The following DNAH11 variants were observed in gnomAD, a reference collection of about 807,000 sequenced individuals.
The protein encoded by DNAH11 is axonemal beta dynein heavy chain 11.
In DNAH11, 442 loss-of-function variants were observed where a neutral mutation model predicts 526.0. The ratio of observed to expected loss-of-function variants is 0.84; its 90% CI spans 0.78 to 0.91. DNAH11 has a LOEUF of 0.91. DNAH11 is among the 40% of genes least tolerant of loss of function. The pLI, the probability that DNAH11 is intolerant of heterozygous loss-of-function variation, is 0.00. For missense variants in DNAH11, 6,989 were observed against 5,448.7 expected (o/e 1.28, Z -8.90); for synonymous variants, 2,461 against 1,935.9 (o/e 1.27, Z -7.12).
At chr7:21,772,887 T>C (rs17145349) in intron 55 of DNAH11, among the ~76,000 whole-genome samples, 45,343 of 151,986 alleles carry the variant, frequency 0.3, 7,589 homozygotes, top group African/African-American at 0.45. Context: ...AGGTTTGAAA[T>C]GTTTGACTGC....
chr7:21,582,030 T>G lies in DNAH11; in HGVS notation c.1710+9T>G, dbSNP rs1424952604. Reference sequence around the variant, plus strand: ...TAGAAGCTGCATTTAAGGTTAGTTCTGAAGAAGCTATCATAAAAAACGTTT... The same window carrying G: ...TAGAAGCTGCATTTAAGGTTAGTTCGGAAGAAGCTATCATAAAAAACGTTT... On this transcript the variant is annotated intron_variant, in intron 9 of 81. Coordinates refer to ENST00000409508, the MANE Select transcript of DNAH11 (RefSeq NM_001277115.2). 27 of 1,565,776 alleles carry G rather than the reference T, an allele frequency of 1.7e-5. No individual in the cohort carries two copies. The highest frequency in any genetic ancestry group is 2.4e-5 in the Non-Finnish European group (27 of 1,138,166).
chr7:21,704,373 A>G (rs1213220638), intron 37 of DNAH11, 61 bp from the exon 38 acceptor site: 2 of 1,477,010 alleles, frequency 1.4e-6, no homozygotes, highest in Non-Finnish European at 1.8e-6. Flanking sequence ...AAACATCTTT[A>G]GTTTTTTAGG....
At chr7:21,557,666 A>G (rs138196521) in intron 2 of DNAH11, among the ~76,000 whole-genome samples, 145 of 152,302 alleles carry the variant, frequency 9.5e-4, no homozygotes, top group African/African-American at 3.1e-3. Flanking sequence ...ACACATATTC[A>G]CACCATAACA....
chr7:21,864,385 C>A, intron 69 of DNAH11, 150 bp from the exon 70 acceptor site: 1 of 541,060 alleles, frequency 1.8e-6, no homozygotes, highest in Non-Finnish European at 3.0e-6. Flanking sequence ...TCTAAGATTC[C>A]CTATTTCAAC....
In DNAH11 at chr7:21,543,479, C is replaced by A. The variant is rs1487726993; in HGVS notation, c.234C>A (p.Ser78Arg). The part of the protein sequence containing the change: ...MMLGFTEEKW[S>R]QYLESEDNRQ... ...TGGGGTTCACGGAGGAGAAATGGAG[C>A]CAGTATTTGGAAAGCGAGGACAACC... The change falls in exon 1 of 82, where the codon AGC becomes AGA. Residue 78 changes from serine to arginine, a missense_variant. Physicochemically the swap from Ser to Arg is moderately radical, Grantham distance 110. Coordinates refer to ENST00000409508, the MANE Select transcript of DNAH11 (RefSeq NM_001277115.2). 2 of 1,597,166 alleles carry A rather than the reference C, an allele frequency of 1.3e-6. No homozygotes were observed. The highest frequency in any genetic ancestry group is 1.7e-6 in the Non-Finnish European group (2 of 1,171,488).
Position 21,615,246 on chromosome 7 carries a change from C to T in DNAH11, c.3985C>T (p.Leu1329=), listed in dbSNP as rs1396639479. The change falls in exon 21 of 82, where the codon CTG becomes TTG. Residue 1329 remains leucine (L), a synonymous_variant. Coordinates refer to ENST00000409508, the MANE Select transcript of DNAH11 (RefSeq NM_001277115.2). ...CRKEIKLLKG[L]WDVIIYVRRS... ...CAAAGAAATAAAATTGCTCAAGGGA[C>T]TGTGGGATGTCATTATTTATGTTCG... 1 of 1,612,806 alleles carries T rather than the reference C, an allele frequency of 6.2e-7. No individual in the cohort carries two copies. Among genetic ancestry groups the T allele is most frequent in the Non-Finnish European group, 8.5e-7 (1 of 1,179,380 alleles).
At chr7:21,798,626 A>G (rs1013925089) in intron 61 of DNAH11, among the ~76,000 whole-genome samples, 11 of 152,272 alleles carry the variant, frequency 7.2e-5, no homozygotes, top group Admixed American at 3.9e-4. Context: ...AAATCACTCA[A>G]CTGATCTTTG....
At chr7:21,758,444 T>C (rs6461598) in intron 54 of DNAH11, among the ~76,000 whole-genome samples, 140,903 of 152,204 alleles carry the variant, frequency 0.93, 65,338 homozygotes, top group African/African-American at 0.95. Flanking sequence ...CCATTCATCA[T>C]TCAGCAAATA....
chr7:21,894,587 TAGAA>T (rs886891543), intron 77 of DNAH11, 32 bp from the exon 78 acceptor site: 15 of 1,599,838 alleles, frequency 9.4e-6, no homozygotes, highest in African/African-American at 8.1e-5. Context: ...AAAACTGAAA[TAGAA>T]AGGAGCTAAA....
chr7:21,604,448 A>G lies in DNAH11; in HGVS notation c.3649-1978A>G, dbSNP rs116904935. The stretch of plus-strand genomic sequence containing the variant: ...TTATCCAGTCCCTTTTCTGCTCAGA[A>G]ACCTTCATTAACTGCCCCTAACTTC... On this transcript the variant is annotated intron_variant, in intron 18 of 81. Coordinates refer to ENST00000409508, the MANE Select transcript of DNAH11 (RefSeq NM_001277115.2). Among the ~76,000 whole-genome samples, 763 of 152,250 alleles carry G rather than the reference A, an allele frequency of 5.0e-3. 4 individuals are homozygous for G. Among genetic ancestry groups the G allele is most frequent in the South Asian group, 8.3e-3 (40 of 4,824 alleles).
chr7:21,819,523 T>G lies in DNAH11; in HGVS notation c.10691+1184T>G, dbSNP rs570261162. ...TGTGTCTGATGTGTTAAAAATATAG[T>G]GTAAAATCTTGAATGTCACTGAAGT... On this transcript the variant is annotated intron_variant, in intron 65 of 81. Coordinates refer to ENST00000409508, the MANE Select transcript of DNAH11 (RefSeq NM_001277115.2). 1.2e-4 allele frequency among the ~76,000 whole-genome samples: 18 copies of G among 152,326 alleles called. No homozygotes were observed. In the South Asian group the frequency reaches 3.3e-3, roughly 28 times the overall value.
chr7:21,606,828 T>C, intron 20 of DNAH11, 95 bp downstream of exon 20: 1 of 1,111,214 alleles, frequency 9.0e-7, no homozygotes, highest in Non-Finnish European at 1.3e-6. Flanking sequence ...TGTCTTTGTT[T>C]TGCTGTTATA....
intron 62 of DNAH11, among the ~76,000 whole-genome samples, chr7:21,805,803 T>G (rs78834974): frequency 2.6e-3 from 391 of 152,306 alleles, no homozygotes; most frequent in African/African-American, 9.0e-3. Flanking sequence ...AATATATATT[T>G]TTAAAGGATT....
chr7:21,632,786 A>G lies in DNAH11; in HGVS notation c.4501-3085A>G, dbSNP rs1210746639. On this transcript the variant is annotated intron_variant, in intron 25 of 81. Coordinates refer to ENST00000409508, the MANE Select transcript of DNAH11 (RefSeq NM_001277115.2). ...TTTCCTGTCTTCTTCTGAGCCCTCC[A>G]AACTGTTCCAACCTCTGCCTGTTAC... is the stretch of plus-strand genomic sequence containing the variant. Among the ~76,000 whole-genome samples the G allele has an allele frequency of 2.0e-5, 3 of 152,100 alleles. No individual in the cohort carries two copies. In the East Asian group the frequency reaches 5.8e-4, roughly 29 times the overall value.
Position 21,786,717 on chromosome 7 carries a change from A to G in DNAH11, c.9691A>G (p.Arg3231Gly). The G allele has an allele frequency of 6.2e-7, 1 of 1,613,916 alleles. No individual in the cohort carries two copies. The highest frequency in any genetic ancestry group is 8.5e-7 in the Non-Finnish European group (1 of 1,179,788). The change falls in exon 59 of 82, where the codon AGA (arginine) becomes GGA (glycine). Residue 3231 changes from arginine to glycine, a missense_variant. By Grantham distance (125) the Arg-to-Gly change is moderately radical. Transcript: ENST00000409508. The part of the protein sequence containing the change: ...AVMVLLAPRG[R>G]VPKDRSWKAA... ...GATGGTCCTTCTGGCTCCTCGGGGA[A>G]GAGTGCCCAAAGACCGAAGTTGGAA...
At chr7:21,899,759 C>T (rs984785166) in intron 80 of DNAH11, among the ~76,000 whole-genome samples, 1 of 152,150 alleles carries the variant, frequency 6.6e-6, no homozygotes, top group Non-Finnish European at 1.5e-5. Flanking sequence ...ACAGACAATC[C>T]ACAAATGGCT....
intron 72 of DNAH11, among the ~76,000 whole-genome samples, chr7:21,868,655 C>T (rs540644190): frequency 6.6e-6 from 1 of 152,284 alleles, no homozygotes; most frequent in Admixed American, 6.5e-5. Context: ...AACTGGCTTC[C>T]ACGGCTTTTC....
chr7:21,626,365 G>A (rs375566345), intron 25 of DNAH11, among the ~76,000 whole-genome samples: 14 of 152,152 alleles, frequency 9.2e-5, no homozygotes, highest in East Asian at 1.9e-4. Flanking sequence ...CTGTTAGTAG[G>A]CACTTAGGTC....
In DNAH11 at chr7:21,880,718, G is replaced by T. The variant is rs759489784; in HGVS notation, c.12212G>T (p.Cys4071Phe). Residue 4071 changes from cysteine (C) to phenylalanine (F), a missense_variant, in exon 75 of 82, where the codon TGC becomes TTC. Transcript: ENST00000409508. ...YNFDQDTLEI[C>F]SKEQEFKSIL... ...TTTTCCCAGGATACACTTGAAATAT[G>T]CTCCAAGGAGCAGGAGTTTAAAAGC... 1 of 1,613,852 alleles carries T rather than the reference G, an allele frequency of 6.2e-7. No homozygotes were observed. Among genetic ancestry groups the T allele is most frequent in the Non-Finnish European group, 8.5e-7 (1 of 1,179,870 alleles).
Sources: allele counts gnomAD v4.1 joint callset (sites outside exome capture counted in the v4.1 genomes callset), GRCh38; gene constraint gnomAD v4.1.1; transcripts MANE v1.5; gene names NCBI Gene and HGNC (gene_info 2026-07-23, HGNC 2026-07-21).